The following DMD variants were observed in gnomAD, a reference collection of about 807,000 sequenced individuals.
The protein encoded by DMD is dystrophin.
A neutral mutation model predicts 330.1 loss-of-function variants in DMD; 63 were observed. The observed-to-expected ratio is 0.19, with a 90% CI of 0.16 to 0.24. The LOEUF is 0.24. Ranked by LOEUF, DMD falls within the 10% of genes least tolerant of loss-of-function variation. The pLI, the probability that DMD is intolerant of heterozygous loss-of-function variation, is 1.00. For missense variants in DMD, 3,344 were observed against 2,684.1 expected, an observed-to-expected ratio of 1.25 and a Z score of -5.43; for synonymous variants, 1,223 against 959.8, an observed-to-expected ratio of 1.27 and a Z score of -5.07.
At chrX:31,266,212 T>C (rs189123449) in intron 62 of DMD, among the ~76,000 whole-genome samples, 10,252 of 82,494 alleles carry the variant, frequency 0.12, 845 homozygotes, top group Non-Finnish European at 0.15. Flanking sequence ...CCCCACCCCC[T>C]GAAATCTTTG....
chrX:31,285,228 G>A (rs1439729135), intron 62 of DMD, among the ~76,000 whole-genome samples: 1 of 111,663 alleles, frequency 9.0e-6, no homozygotes, highest in Non-Finnish European at 1.9e-5. Flanking sequence ...ACAACAAAGA[G>A]GGCCATTGGA....
intron 56 of DMD, among the ~76,000 whole-genome samples, chrX:31,505,146 C>T (rs1020240312): frequency 1.8e-5 from 2 of 111,979 alleles, no homozygotes; most frequent in Admixed American, 9.5e-5. Flanking sequence ...ACTTGACCTG[C>T]CAATATTTTT....
chrX:33,272,844 A>C (rs1363927826), intron 1 of DMD, among the ~76,000 whole-genome samples: 1 of 111,555 alleles, frequency 9.0e-6, no homozygotes, highest in East Asian at 2.8e-4. Context: ...GAAAGATTAG[A>C]AACAAGCTTT....
rs369387900 is a variant in DMD at position 33,211,351 on chromosome X, T to C, written c.-39A>G. 4 of 1,200,148 alleles carry C rather than the reference T, an allele frequency of 3.3e-6. No individual in the cohort carries two copies. The African/African-American group carries it at 5.3e-5, about 16-fold the overall frequency. On this transcript the variant is annotated 5_prime_UTR_variant, in exon 1 of 79. Transcript: ENST00000357033. ...TATCAAGGCAGCGATAAAAAAAACC[T>C]GGTAAAAGTTCTTCAAACTTTATTG...
At chrX:31,513,782 C>T (rs755535756) in intron 55 of DMD, among the ~76,000 whole-genome samples, 127 of 111,338 alleles carry the variant, frequency 1.1e-3, no homozygotes, top group African/African-American at 3.9e-3. Context: ...AGGTGCTGTC[C>T]AAAGCACTGT....
intron 1 of DMD, among the ~76,000 whole-genome samples, chrX:33,297,995 A>G (rs1267886117): frequency 1.8e-5 from 2 of 111,328 alleles, no homozygotes; most frequent in East Asian, 5.6e-4. Flanking sequence ...GGTGATGGAT[A>G]TGTTAATTAT....
At chrX:31,284,304 T>G (rs2052855844) in intron 62 of DMD, among the ~76,000 whole-genome samples, 1 of 111,185 alleles carries the variant, frequency 9.0e-6, no homozygotes, top group Non-Finnish European at 1.9e-5. Flanking sequence ...CCAGCAAGCA[T>G]CCGCAAATGA....
intron 47 of DMD, among the ~76,000 whole-genome samples, chrX:31,928,846 A>T (rs2094816632): frequency 8.9e-6 from 1 of 111,875 alleles, no homozygotes; most frequent in Non-Finnish European, 1.9e-5. Context: ...TAAGCCAGTG[A>T]AGTACTGTTG....
chrX:32,522,096 G>T (rs1394989285), intron 17 of DMD, among the ~76,000 whole-genome samples: 1 of 111,831 alleles, frequency 8.9e-6, no homozygotes, highest in Non-Finnish European at 1.9e-5. Flanking sequence ...AAGCTACCCA[G>T]TTTATGGTAT....
At chrX:31,551,540 G>A (rs1603358126) in intron 55 of DMD, among the ~76,000 whole-genome samples, 1 of 112,199 alleles carries the variant, frequency 8.9e-6, no homozygotes, top group East Asian at 2.8e-4. Flanking sequence ...ATAAACAGAT[G>A]CACACACTGT....
Position 31,662,464 on chromosome X carries a change from G to A in DMD, c.7873-4320C>T, listed in dbSNP as rs1017054873. ...ACTCTAAAATTCTCCCTTTAACTTGGAAGATAAAAGCAAGTGCATAGCTCT... is the reference window on the plus strand; with the variant it reads ...ACTCTAAAATTCTCCCTTTAACTTGAAAGATAAAAGCAAGTGCATAGCTCT... On this transcript the variant is annotated intron_variant, in intron 53 of 78. Transcript: ENST00000357033. 7.2e-5 allele frequency among the ~76,000 whole-genome samples: 8 copies of A among 111,806 alleles called. No homozygotes were observed. In the Admixed American group the frequency reaches 7.6e-4, roughly 11 times the overall value.
intron 47 of DMD, among the ~76,000 whole-genome samples, chrX:31,881,943 C>T: frequency 1.8e-5 from 2 of 112,390 alleles, no homozygotes; most frequent in Admixed American, 1.9e-4. Flanking sequence ...ACAAACACTA[C>T]TGAGACAGTG....
intron 11 of DMD, among the ~76,000 whole-genome samples, chrX:32,633,729 G>T (rs770501362): frequency 9.0e-6 from 1 of 111,658 alleles, no homozygotes; most frequent in East Asian, 2.8e-4. Flanking sequence ...CTCAGCTGCT[G>T]GGGAGGCCTC....
chrX:31,862,457 A>G (rs1484237002), intron 48 of DMD, among the ~76,000 whole-genome samples: 1 of 111,499 alleles, frequency 9.0e-6, no homozygotes, highest in Non-Finnish European at 1.9e-5. Context: ...AAAGTCTGTT[A>G]TACAGGGATA....
chrX:31,578,282 C>G (rs943500775), intron 55 of DMD, among the ~76,000 whole-genome samples: 3 of 111,625 alleles, frequency 2.7e-5, no homozygotes, highest in Non-Finnish European at 5.6e-5. Context: ...TTCACAGATG[C>G]GGAGATTGAT....
chrX:32,636,265 C>G (rs2059087512), intron 11 of DMD, among the ~76,000 whole-genome samples: 1 of 111,820 alleles, frequency 8.9e-6, no homozygotes, highest in Non-Finnish European at 1.9e-5. Flanking sequence ...TTCAAAAATT[C>G]CCACTAATTG....
chrX:31,146,897 T>C (rs1257527553), intron 75 of DMD, among the ~76,000 whole-genome samples: 1 of 111,881 alleles, frequency 8.9e-6, no homozygotes, highest in Non-Finnish European at 1.9e-5. Flanking sequence ...AACTATGTGT[T>C]AGGGATTAGG....
Position 32,360,905 on chromosome X carries a change from T to C in DMD, c.5325+1883A>G, listed in dbSNP as rs887931919. ...AAGAAGTTCATAGAGTGGATCACTT[T>C]ATGCATGATTTCCAGAAGTATACTT... is the stretch of plus-strand genomic sequence containing the variant. On this transcript the variant is annotated intron_variant, in intron 37 of 78. Coordinates refer to ENST00000357033, the MANE Select transcript of DMD (RefSeq NM_004006.3). Among the ~76,000 whole-genome samples, 25 of 110,851 alleles carry C rather than the reference T, an allele frequency of 2.3e-4. 4 individuals are homozygous for C. The highest frequency in any genetic ancestry group is 2.2e-3 in the Admixed American group (23 of 10,254).
At chrX:32,945,070 G>T (rs776906352) in intron 2 of DMD, among the ~76,000 whole-genome samples, 86 of 110,586 alleles carry the variant, frequency 7.8e-4, no homozygotes, top group Non-Finnish European at 1.4e-3. Context: ...TAAATTTTAT[G>T]TGTTTCTATC....
Sources: gnomAD v4.1 joint callset for allele counts (sites outside exome capture counted in the v4.1 genomes callset) on GRCh38, gnomAD v4.1.1 for gene constraint, MANE v1.5 for transcripts, NCBI Gene and HGNC (gene_info 2026-07-23, HGNC 2026-07-21) for gene names.